Variants in SEMA3D observed in about 807,000 individuals in gnomAD.
SEMA3D encodes the protein semaphorin-3D.
Under a neutral mutation model 100.1 loss-of-function variants are expected in SEMA3D, and 84 were observed. The observed-to-expected ratio is 0.84, with a 90% CI of 0.70 to 1.01. The LOEUF (loss-of-function observed/expected upper bound fraction) is 1.01. SEMA3D is among the 50% of genes least tolerant of loss of function. The pLI, the probability that SEMA3D is intolerant of heterozygous loss-of-function variation, is 0.00. For missense variants in SEMA3D, 875 were observed against 934.1 expected, an observed-to-expected ratio of 0.94 and a Z score of 0.82; for synonymous variants, 312 against 320.7, an observed-to-expected ratio of 0.97 and a Z score of 0.29.
intron 15 of SEMA3D, among the ~76,000 whole-genome samples, chr7:85,016,762 G>A (rs1424048035): frequency 7.0e-6 from 1 of 142,340 alleles, no homozygotes; most frequent in Non-Finnish European, 1.5e-5. Flanking sequence ...ATGTATTTTT[G>A]TTTGTTTGTT....
intron 2 of SEMA3D, chr7:85,142,803 C>G (rs1308161163): frequency 1.0e-6 from 1 of 984,506 alleles, no homozygotes; most frequent in South Asian, 4.7e-5. Flanking sequence ...AACCTTTTCT[C>G]TCTTCGGCTG....
At chr7:85,130,187 T>C (rs1254079131) in intron 2 of SEMA3D, among the ~76,000 whole-genome samples, 1 of 152,130 alleles carries the variant, frequency 6.6e-6, no homozygotes, top group Non-Finnish European at 1.5e-5. Flanking sequence ...CAAGTCTTCA[T>C]ATCGGATTTG....
chr7:85,190,474 T>C (rs1025556241), upstream of SEMA3D, among the ~76,000 whole-genome samples: 4 of 152,044 alleles, frequency 2.6e-5, no homozygotes, highest in African/African-American at 9.7e-5. Context: ...AACAAGTGAG[T>C]GCATGAGTTT....
At position 85,039,969 on chromosome 7, in the gene SEMA3D, C is replaced by CTTTTTT. The variant is rs776990536; in HGVS notation, c.1046+698_1046+703dup. The stretch of plus-strand genomic sequence containing the variant: ...ACTATGATTAATATATACGCAAACA[C>CTTTTTT]TTTTTTTTTTTTTTTTTTTTTTTTG... On this transcript the variant is annotated intron_variant, in intron 11 of 18. Transcript: ENST00000284136. 3.2e-4 allele frequency among the ~76,000 whole-genome samples: 29 copies of CTTTTTT among 90,616 alleles called. 2 individuals are homozygous for CTTTTTT. The highest frequency in any genetic ancestry group is 9.4e-4 in the African/African-American group (19 of 20,206). 59.4% of individuals were successfully genotyped at this position (90,616 alleles called of 152,430 possible).
chr7:85,168,883 A>AAAAGG (rs1314741325), intron 1 of SEMA3D, among the ~76,000 whole-genome samples: 1 of 148,502 alleles, frequency 6.7e-6, no homozygotes, highest in Admixed American at 6.7e-5. Context: ...GAAAGAAAAG[A>AAAAGG]AAGAAAGAAA....
chr7:85,033,630 G>C (rs1790606743), intron 12 of SEMA3D, among the ~76,000 whole-genome samples: 2 of 152,026 alleles, frequency 1.3e-5, no homozygotes, highest in South Asian at 4.1e-4. Context: ...AATAGTCTCA[G>C]CTTCCAATTC....
At chr7:85,022,363 A>G in intron 13 of SEMA3D, 28 bp downstream of exon 13, 1 of 1,530,830 alleles carries the variant, frequency 6.5e-7, no homozygotes, top group Non-Finnish European at 9.0e-7. Flanking sequence ...ATTCCTTTTG[A>G]AAAAATCCTA....
At chr7:85,233,295 A>G in the SEMA3D span, among the ~76,000 whole-genome samples, 1 of 152,176 alleles carries the variant, frequency 6.6e-6, no homozygotes, top group Non-Finnish European at 1.5e-5. Flanking sequence ...AACAGAGTAC[A>G]CTGTTGAAAT....
chr7:85,094,863 C>T (rs1216081119), intron 4 of SEMA3D, among the ~76,000 whole-genome samples: 3 of 151,972 alleles, frequency 2.0e-5, no homozygotes, highest in Non-Finnish European at 2.9e-5. Flanking sequence ...TGAGGTGTCA[C>T]ATCCTTGCAA....
At chr7:85,067,131 C>G (rs542813802) in intron 7 of SEMA3D, among the ~76,000 whole-genome samples, 1 of 151,950 alleles carries the variant, frequency 6.6e-6, no homozygotes, top group African/African-American at 2.4e-5. Flanking sequence ...ACTTTGAAAC[C>G]TATAAAATTG....
chr7:85,200,688 A>T, the SEMA3D span, among the ~76,000 whole-genome samples: 1 of 152,252 alleles, frequency 6.6e-6, no homozygotes, highest in Non-Finnish European at 1.5e-5. Context: ...ATAAGTAACA[A>T]GGAGCTGAAT....
At chr7:85,103,680 C>A (rs1788817993) in intron 3 of SEMA3D, among the ~76,000 whole-genome samples, 1 of 151,980 alleles carries the variant, frequency 6.6e-6, no homozygotes, top group South Asian at 2.1e-4. Flanking sequence ...TACCTTGTTC[C>A]CAGTTTCTAA....
intron 2 of SEMA3D, among the ~76,000 whole-genome samples, chr7:85,125,374 A>G (rs1270209712): frequency 6.6e-5 from 10 of 152,082 alleles, no homozygotes; most frequent in African/African-American, 2.2e-4. Context: ...TCGCTAAGAC[A>G]TGCCCTGTGC....
intron 1 of SEMA3D, among the ~76,000 whole-genome samples, chr7:85,156,826 G>T (rs1341903773): frequency 2.0e-5 from 3 of 152,088 alleles, no homozygotes; most frequent in East Asian, 1.9e-4. Flanking sequence ...ACAGTAAGAA[G>T]AAAATAGTTA....
At chr7:85,098,706 A>T (rs1174434857) in intron 3 of SEMA3D, among the ~76,000 whole-genome samples, 1 of 151,896 alleles carries the variant, frequency 6.6e-6, no homozygotes, top group Non-Finnish European at 1.5e-5. Flanking sequence ...TTTATAGTTT[A>T]GGGTTTAATT....
At chr7:85,054,910 T>C (rs1791265477) in intron 9 of SEMA3D, among the ~76,000 whole-genome samples, 1 of 152,126 alleles carries the variant, frequency 6.6e-6, no homozygotes, top group Non-Finnish European at 1.5e-5. Context: ...AGCAACATTA[T>C]TCCATAAAGC....
intron 2 of SEMA3D, chr7:85,144,525 T>C (rs1427078724): frequency 9.1e-6 from 9 of 984,140 alleles, no homozygotes; most frequent in Admixed American, 1.2e-4. Context: ...TTTTGCCTTA[T>C]GCTTCATGTA....
At chr7:85,096,025 A>G (rs1346911749) in intron 4 of SEMA3D, among the ~76,000 whole-genome samples, 1 of 152,022 alleles carries the variant, frequency 6.6e-6, no homozygotes, top group African/African-American at 2.4e-5. Flanking sequence ...ACAGAACAAG[A>G]ACAAATTCCC....
At chr7:85,192,276 G>A in the SEMA3D span, among the ~76,000 whole-genome samples, 1 of 152,124 alleles carries the variant, frequency 6.6e-6, no homozygotes, top group South Asian at 2.1e-4. Context: ...TGTCATTTAA[G>A]TAACTTAGTA....
Sources: gnomAD v4.1 joint callset for allele counts (sites outside exome capture counted in the v4.1 genomes callset) on GRCh38, gnomAD v4.1.1 for gene constraint, MANE v1.5 for transcripts, NCBI Gene and HGNC (gene_info 2026-07-23, HGNC 2026-07-21) for gene names.